Variants in RARB observed in about 807,000 individuals in gnomAD.
RARB encodes retinoic acid receptor beta, also known as HBV-activated protein.
In RARB, 17 loss-of-function variants were observed where a neutral mutation model predicts 51.9. The observed-to-expected ratio is 0.33, with a 90% CI of 0.22 to 0.49. The LOEUF is 0.49. Among genes scored for constraint, RARB ranks in the 20% least tolerant of loss-of-function variants. The pLI is 0.99. For missense variants in RARB, 369 were observed against 550.8 expected (o/e 0.67, Z 3.30); for synonymous variants, 215 against 195.4 (o/e 1.10, Z -0.84).
At chr3:24,950,777 G>C (rs912612828) in intron 2 of RARB, among the ~76,000 whole-genome samples, 1 of 151,266 alleles carries the variant, frequency 6.6e-6, no homozygotes, top group Non-Finnish European at 1.5e-5. Flanking sequence ...TTATATAAGA[G>C]CTTGAACACA....
In RARB at chr3:25,403,656, C is replaced by T. The variant is rs1707325421; in HGVS notation, c.179-57537C>T. On this transcript the variant is annotated intron_variant, in intron 5 of 11. Coordinates refer to the RARB transcript ENST00000383772. ...AGCTCTGCGATATTATTTTTTAATACACTCTGAAGTGACAAGAGACTGTAT... is the reference window on the plus strand; with the variant it reads ...AGCTCTGCGATATTATTTTTTAATATACTCTGAAGTGACAAGAGACTGTAT... Among the ~76,000 whole-genome samples, 4 of 151,942 alleles carry T rather than the reference C, an allele frequency of 2.6e-5. No individual in the cohort carries two copies. In the South Asian group the frequency reaches 8.3e-4, roughly 32 times the overall value.
At chr3:25,476,315 C>T (rs1431255742) in intron 2 of RARB, among the ~76,000 whole-genome samples, 1 of 152,146 alleles carries the variant, frequency 6.6e-6, no homozygotes, top group East Asian at 1.9e-4. Context: ...TCTCAGTGTA[C>T]TTGTCTTGCA....
At chr3:25,166,795 A>T (rs1214742139) in intron 4 of RARB, among the ~76,000 whole-genome samples, 1 of 152,180 alleles carries the variant, frequency 6.6e-6, no homozygotes, top group Non-Finnish European at 1.5e-5. Context: ...GCCAACTCTA[A>T]TAAGGGTCCT....
At position 25,055,115 on chromosome 3, in the gene RARB, A is replaced by G. The variant is rs530342174; in HGVS notation, c.-379-5010A>G. The stretch of plus-strand genomic sequence containing the variant: ...TCCATTCTGCTTTTGCTCAAAAGCA[A>G]TTCTCAAGAGTAACAAATTAAAAGC... On this transcript the variant is annotated intron_variant, in intron 2 of 11. Coordinates refer to the RARB transcript ENST00000383772. Among the ~76,000 whole-genome samples, 5 of 152,300 alleles carry G rather than the reference A, an allele frequency of 3.3e-5. No homozygotes were observed. The East Asian group carries it at 9.6e-4, about 29-fold the overall frequency.
intron 3 of RARB, among the ~76,000 whole-genome samples, chr3:25,078,115 T>G (rs932070928): frequency 2.0e-5 from 3 of 152,168 alleles, no homozygotes; most frequent in Non-Finnish European, 4.4e-5. Flanking sequence ...TTTGTTGATG[T>G]TTTTTGAGAA....
chr3:25,526,318 C>T (rs1698646204), intron 3 of RARB, among the ~76,000 whole-genome samples: 2 of 152,118 alleles, frequency 1.3e-5, no homozygotes, highest in South Asian at 2.1e-4. Context: ...TCTTGTAGCC[C>T]ACCTGAAGGA....
At chr3:24,836,150 A>C (rs1180123276) in intron 1 of RARB, among the ~76,000 whole-genome samples, 1 of 152,170 alleles carries the variant, frequency 6.6e-6, no homozygotes, top group Admixed American at 6.6e-5. Flanking sequence ...GAAGAGAAAT[A>C]AGATAGCATT....
At chr3:25,492,085 T>C (rs1696770959) in intron 2 of RARB, among the ~76,000 whole-genome samples, 1 of 152,258 alleles carries the variant, frequency 6.6e-6, no homozygotes, top group African/African-American at 2.4e-5. Context: ...TCTTCACTTT[T>C]TGAAGACAGT....
intron 5 of RARB, among the ~76,000 whole-genome samples, chr3:25,246,345 T>A (rs1464798742): frequency 1.3e-5 from 2 of 152,136 alleles, no homozygotes; most frequent in Non-Finnish European, 2.9e-5. Context: ...TCATTCTCCA[T>A]CCAGTTTTAT....
chr3:25,238,928 G>A (rs962374313), intron 5 of RARB, among the ~76,000 whole-genome samples: 1 of 151,746 alleles, frequency 6.6e-6, no homozygotes, highest in Non-Finnish European at 1.5e-5. Flanking sequence ...GCAGTAAGCC[G>A]AGATCACACC....
chr3:25,207,301 C>G (rs183942338), intron 5 of RARB, among the ~76,000 whole-genome samples: 9 of 152,266 alleles, frequency 5.9e-5, no homozygotes, highest in African/African-American at 1.9e-4. Context: ...CTACCCATTT[C>G]AGATCACGTA....
chr3:25,016,811 C>T (rs1040756158), intron 2 of RARB, among the ~76,000 whole-genome samples: 1 of 151,944 alleles, frequency 6.6e-6, no homozygotes, highest in African/African-American at 2.4e-5. Context: ...TATCCTGTGC[C>T]CTCTCCACTC....
At chr3:25,093,299 A>AT (rs1350105266) in intron 3 of RARB, among the ~76,000 whole-genome samples, 36 of 152,140 alleles carry the variant, frequency 2.4e-4, no homozygotes, top group African/African-American at 8.4e-4. Flanking sequence ...GTTGGTGAAA[A>AT]TTAGGAAGTA....
rs62230301 is a variant in RARB at position 25,130,929 on chromosome 3, C to T, written c.-327-1232C>T. 5.5e-3 allele frequency among the ~76,000 whole-genome samples: 165 copies of T among 29,934 alleles called. 2 individuals carry two copies. Among genetic ancestry groups the T allele is most frequent in the Middle Eastern group, 0.022 (1 of 46 alleles). The allele number at this position is 29,934 out of a possible 152,430, so 19.6% of individuals were successfully genotyped here. A position where few individuals can be genotyped will look rare whatever the true frequency, so the allele number is the denominator to read the frequency against. Reference sequence around the variant, plus strand: ...TATTGATAATATTATCAATATTTATCATTGATAATATCAATATTTATTATT... The same window carrying T: ...TATTGATAATATTATCAATATTTATTATTGATAATATCAATATTTATTATT... On this transcript the variant is annotated intron_variant, in intron 3 of 11. Transcript: ENST00000383772.
intron 2 of RARB, among the ~76,000 whole-genome samples, chr3:24,939,828 T>G (rs566275070): frequency 6.6e-6 from 1 of 152,370 alleles, no homozygotes; most frequent in East Asian, 1.9e-4. Context: ...AGTGCCCTTA[T>G]GTAATCATAC....
At chr3:25,568,281 C>T (rs553520861) in intron 3 of RARB, among the ~76,000 whole-genome samples, 1 of 152,304 alleles carries the variant, frequency 6.6e-6, no homozygotes, top group South Asian at 2.1e-4. Context: ...TTCTCAACCA[C>T]GTGAACTTGA....
chr3:24,866,479 T>C (rs1421932315), intron 2 of RARB, among the ~76,000 whole-genome samples: 1 of 152,130 alleles, frequency 6.6e-6, no homozygotes, highest in Non-Finnish European at 1.5e-5. Flanking sequence ...CATGTACCCA[T>C]GGTTCCAGAT....
At chr3:24,955,052 C>T (rs1224764693) in intron 2 of RARB, among the ~76,000 whole-genome samples, 1 of 152,142 alleles carries the variant, frequency 6.6e-6, no homozygotes, top group Non-Finnish European at 1.5e-5. Flanking sequence ...CCTCTTGGTA[C>T]CCAGGTTCTT....
intron 2 of RARB, among the ~76,000 whole-genome samples, chr3:25,472,336 A>C (rs1015577321): frequency 1.3e-5 from 2 of 152,194 alleles, no homozygotes; most frequent in African/African-American, 4.8e-5. Flanking sequence ...CCTGCTTCTT[A>C]AAAGCCCCGG....
Sources: gnomAD v4.1 joint callset for allele counts (sites outside exome capture counted in the v4.1 genomes callset) on GRCh38, gnomAD v4.1.1 for gene constraint, MANE v1.5 for transcripts, NCBI Gene and HGNC (gene_info 2026-07-23, HGNC 2026-07-21) for gene names.